Variants in EPS8L2 observed in about 807,000 individuals in gnomAD.
EPS8L2 encodes epidermal growth factor receptor kinase substrate 8-like protein 2.
Under a neutral mutation model 99.4 loss-of-function variants are expected in EPS8L2, and 81 were observed. The observed-to-expected ratio is 0.82, with a 90% CI of 0.68 to 0.98. The LOEUF (loss-of-function observed/expected upper bound fraction) is 0.98, where lower values mean the gene tolerates loss of function less well. Ranked by LOEUF, EPS8L2 falls within the 50% of genes least tolerant of loss-of-function variation. EPS8L2 has a pLI of 0.00. For synonymous variants in EPS8L2, 509 were observed against 407.3 expected (o/e 1.25, Z -3.01); for missense variants, 1,155 against 968.8 (o/e 1.19, Z -2.55).
At chr11:718,666 TA>T (rs750898582) in intron 4 of EPS8L2, among the ~76,000 whole-genome samples, 9 of 149,534 alleles carry the variant, frequency 6.0e-5, no homozygotes, top group African/African-American at 1.7e-4. Context: ...TTAATTTTTT[TA>T]ATTTCTTTTT....
At chr11:719,807 G>T (rs1862108937) in intron 4 of EPS8L2, among the ~76,000 whole-genome samples, 1 of 152,208 alleles carries the variant, frequency 6.6e-6, no homozygotes, top group Middle Eastern at 3.2e-3. Context: ...AGGTGGGCGG[G>T]TGAGGATGGT....
intron 4 of EPS8L2, 98 bp downstream of exon 4, chr11:710,584 A>C: frequency 1.0e-5 from 12 of 1,172,150 alleles, no homozygotes; most frequent in Non-Finnish European, 1.5e-5. Flanking sequence ...AAATAATTAG[A>C]CGGGCATGGT....
At chr11:709,164 ACG>A in intron 1 of EPS8L2, 164 bp from the exon 2 acceptor site, 2 of 572,832 alleles carry the variant, frequency 3.5e-6, no homozygotes, top group South Asian at 4.1e-5. Context: ...GTCAACTGGG[ACG>A]TGGGGCCAAC....
chr11:711,916 G>A (rs1450852835), intron 4 of EPS8L2, among the ~76,000 whole-genome samples: 2 of 152,020 alleles, frequency 1.3e-5, no homozygotes, highest in Non-Finnish European at 2.9e-5. Context: ...CCAGGAGGCG[G>A]AGGTTGCAGT....
Position 721,598 on chromosome 11 carries a change from T to G in EPS8L2, c.802T>G (p.Trp268Gly). 6.4e-7 allele frequency: 1 copy of G among 1,568,064 alleles called. No individual in the cohort carries two copies. Among genetic ancestry groups the G allele is most frequent in the Non-Finnish European group, 8.6e-7 (1 of 1,161,482 alleles). Residue 268 changes from tryptophan (W) to glycine (G), a missense_variant, in exon 10 of 21, where the codon TGG (tryptophan) becomes GGG (glycine). Coordinates refer to ENST00000318562, the MANE Select transcript of EPS8L2 (RefSeq NM_022772.4). ...ILNCALDDIE[W>G]FVARLQKAAE... ...CAACTGCGCCCTGGACGACATCGAG[T>G]GGTTTGTGGCCCGGCTGCAGAAGGC...
In EPS8L2 at chr11:724,710, C is replaced by A. The variant is rs748167497; in HGVS notation, c.1455-14C>A. On this transcript the variant is annotated splice_polypyrimidine_tract_variant and intron_variant, in intron 15 of 20. Transcript: ENST00000318562. This position sits in a 1 kb window ranked among gnomAD's most constrained non-coding sequence, Gnocchi z 5.5. The stretch of plus-strand genomic sequence containing the variant: ...CCCACCAGACTGGGCCTCAGCCCCT[C>A]CTGTTCCTCACAGGGGCTACCAGCC... 3.7e-6 allele frequency: 6 copies of A among 1,600,676 alleles called. No homozygotes were observed. The highest frequency in any genetic ancestry group is 3.4e-6 in the Non-Finnish European group (4 of 1,168,632).
chr11:726,087 C>G lies in EPS8L2; in HGVS notation c.1681-11C>G, dbSNP rs2133540950. On this transcript the variant is annotated splice_polypyrimidine_tract_variant and intron_variant, in intron 17 of 20. Transcript: ENST00000318562. ...GGGCGTGGGGAGCCTAATCGCCCCCCGCCCCCGCAGGCCGGTCAGAAGTAC... is the reference window on the plus strand; with the variant it reads ...GGGCGTGGGGAGCCTAATCGCCCCCGGCCCCCGCAGGCCGGTCAGAAGTAC... 1.3e-6 allele frequency: 2 copies of G among 1,552,500 alleles called. No individual in the cohort carries two copies. Among genetic ancestry groups the G allele is most frequent in the South Asian group, 1.1e-5 (1 of 87,398 alleles).
In EPS8L2 at chr11:720,783, C is replaced by T. The variant is rs1162623228; in HGVS notation, c.477+37C>T. On this transcript the variant is annotated intron_variant, in intron 6 of 20. Transcript: ENST00000318562. ...CCGGGCGGGGCAGGGTGGGGCCCCG[C>T]CGCGCCGCGCCCCGCCCTCCTGGCC... is the stretch of plus-strand genomic sequence containing the variant. 5.8e-6 allele frequency: 9 copies of T among 1,539,990 alleles called. No homozygotes were observed. The East Asian group carries it at 2.2e-4, about 38-fold the overall frequency.
rs1207906500 is a variant in EPS8L2, at chr11:727,348, A to C, written c.*367A>C. ...TCCCCACCCACTTCTACATCCATCC[A>C]CACCCCAGGGTGAGCTGGAGCTCCA... On this transcript the variant is annotated 3_prime_UTR_variant, in exon 21 of 21. Transcript: ENST00000318562. 6 of 177,146 alleles carry C rather than the reference A, an allele frequency of 3.4e-5. No individual in the cohort carries two copies. In the East Asian group the frequency reaches 9.9e-4, roughly 29 times the overall value. The allele number at this position is 177,146 out of a possible 1,614,324, so 11.0% of individuals were successfully genotyped here.
At chr11:711,134 C>A (rs1318856192) in intron 4 of EPS8L2, among the ~76,000 whole-genome samples, 1 of 152,184 alleles carries the variant, frequency 6.6e-6, no homozygotes, top group Non-Finnish European at 1.5e-5. Context: ...TCAGACGGGG[C>A]TGCCTGCACG....
rs1307966140 is a variant in EPS8L2, at chr11:726,129, C to T, written c.1712C>T (p.Pro571Leu). 2 of 1,608,252 alleles carry T rather than the reference C, an allele frequency of 1.2e-6. No individual in the cohort carries two copies. Among genetic ancestry groups the T allele is most frequent in the South Asian group, 1.1e-5 (1 of 90,726 alleles). Residue 571 changes from proline to leucine, a missense_variant, in exon 18 of 21, where the codon CCG (proline) becomes CTG (leucine). Transcript: ENST00000318562. ...AGQKYWGPAS[P>L]THKLPPSFPG... Reference sequence around the variant, plus strand: ...CAGAAGTACTGGGGCCCCGCCAGCCCGACCCACAAGCTACCCCCAAGCTTC... The same window carrying T: ...CAGAAGTACTGGGGCCCCGCCAGCCTGACCCACAAGCTACCCCCAAGCTTC...
At chr11:717,786 G>A (rs1320964605) in intron 4 of EPS8L2, among the ~76,000 whole-genome samples, 1 of 152,042 alleles carries the variant, frequency 6.6e-6, no homozygotes, top group African/African-American at 2.4e-5. Flanking sequence ...GAGGCGGGCA[G>A]ATCACAAGGT....
chr11:710,105 G>A (rs1380357985), intron 3 of EPS8L2: 4 of 391,396 alleles, frequency 1.0e-5, no homozygotes, highest in East Asian at 5.3e-5. Flanking sequence ...GGAAGAAGCC[G>A]GGCTGGGACC....
intron 14 of EPS8L2, 117 bp downstream of exon 14, chr11:722,922 C>A (rs1178761019): frequency 6.9e-6 from 4 of 578,764 alleles, no homozygotes; most frequent in South Asian, 2.0e-5. Context: ...GCCCTGACAC[C>A]CACCCCTCCC....
rs372444828 is a variant in EPS8L2 at position 715,018 on chromosome 11, A to G, written c.165+4532A>G. Among the ~76,000 whole-genome samples the G allele has an allele frequency of 9.5e-4, 145 of 152,218 alleles. 1 individual carries two copies. Among genetic ancestry groups the G allele is most frequent in the East Asian group, 8.7e-3 (45 of 5,172 alleles). ...AGCACTTTGGGAGGCTGAGGTGGGC[A>G]GATCACAAGGTCAGGAGATCAAGAC... On this transcript the variant is annotated intron_variant, in intron 4 of 20. Transcript: ENST00000318562.
rs1362496303 is a variant in EPS8L2, at chr11:722,749, G to A, written c.1285G>A (p.Val429Met). The change falls in exon 14 of 21, where the codon GTG (valine) becomes ATG (methionine). Residue 429 changes from valine to methionine, a missense_variant. By Grantham distance (21) the Val-to-Met change is conservative. Coordinates refer to ENST00000318562, the MANE Select transcript of EPS8L2 (RefSeq NM_022772.4). ...CAGCGGCTGGGAGCCTCCTGTGGAT[G>A]TGCTGCAGGAGGCCCCCTGGGAGGT... is the stretch of plus-strand genomic sequence containing the variant. Reference protein sequence around the residue: ...FHSGWEPPVDVLQEAPWEVEG... With the variant: ...FHSGWEPPVDMLQEAPWEVEG... 2 of 1,605,640 alleles carry A rather than the reference G, an allele frequency of 1.2e-6. No individual in the cohort carries two copies. Among genetic ancestry groups the A allele is most frequent in the East Asian group, 2.2e-5 (1 of 44,578 alleles).
rs1861709825 is a variant in EPS8L2, at chr11:706,304, A to G, written c.-79+16A>G. 6.6e-6 allele frequency: 1 copy of G among 151,060 alleles called. No homozygotes were observed. Among genetic ancestry groups the G allele is most frequent in the African/African-American group, 2.4e-5 (1 of 41,012 alleles). The allele number at this position is 151,060 out of a possible 1,614,324, so 9.4% of individuals were successfully genotyped here. A position where few individuals can be genotyped will look rare whatever the true frequency, so the allele number is the denominator to read the frequency against. On this transcript the variant is annotated intron_variant, in intron 1 of 20. Coordinates refer to ENST00000318562, the MANE Select transcript of EPS8L2 (RefSeq NM_022772.4). The stretch of plus-strand genomic sequence containing the variant: ...CCGGAGGCAGGTGAGCGCTGCGGAC[A>G]CGGGGGAGCGCGCCCGCCCGGGCCT...
At chr11:721,009 A>AGGGGC in intron 7 of EPS8L2, 55 bp from the exon 8 acceptor site, 2 of 878,232 alleles carry the variant, frequency 2.3e-6, no homozygotes, top group Non-Finnish European at 1.5e-6. Context: ...CCCGGCAGGG[A>AGGGGC]GGGAGGGTCA....
Position 709,541 on chromosome 11 carries a change from C to T in EPS8L2, c.45-12C>T. ...GCAGTTTGGCCCTGCCCTGACAGCCCCTCCCCTGCAGTGGCAGCCTGGGCC... is the reference window on the plus strand; with the variant it reads ...GCAGTTTGGCCCTGCCCTGACAGCCTCTCCCCTGCAGTGGCAGCCTGGGCC... On this transcript the variant is annotated splice_polypyrimidine_tract_variant and intron_variant, in intron 2 of 20. Coordinates refer to ENST00000318562, the MANE Select transcript of EPS8L2 (RefSeq NM_022772.4). The T allele has an allele frequency of 2.5e-6, 4 of 1,612,954 alleles. No homozygotes were observed. The highest frequency in any genetic ancestry group is 3.4e-6 in the Non-Finnish European group (4 of 1,179,884).
Sources: allele counts gnomAD v4.1 joint callset (sites outside exome capture counted in the v4.1 genomes callset), GRCh38; gene constraint gnomAD v4.1.1; non-coding constraint Gnocchi (gnomAD v3.1); transcripts MANE v1.5; gene names NCBI Gene and HGNC (gene_info 2026-07-23, HGNC 2026-07-21).